Variants in FANK1 observed in about 807,000 individuals in gnomAD.
FANK1 encodes fibronectin type III and ankyrin repeat domains 1, also known as fibronectin type 3 and ankyrin repeat domains protein 1.
FANK1 carries 44 observed loss-of-function variants against 45.3 expected under a neutral mutation model. The observed-to-expected ratio is 0.97, with a 90% CI of 0.76 to 1.25. FANK1 has a LOEUF of 1.25. Among genes scored for constraint, FANK1 ranks in the 50% most tolerant of loss-of-function variants. FANK1 has a pLI of 0.00. For synonymous variants in FANK1, 149 were observed against 152.5 expected, an observed-to-expected ratio of 0.98 and a Z score of 0.17; for missense variants, 391 against 424.4, an observed-to-expected ratio of 0.92 and a Z score of 0.69.
intron 1 of FANK1, among the ~76,000 whole-genome samples, chr10:125,903,002 C>A (rs1945172804): frequency 6.6e-6 from 1 of 152,176 alleles, no homozygotes; most frequent in South Asian, 2.1e-4. Context: ...TTTTAAAATC[C>A]CCATCAAAAT....
intron 1 of FANK1, among the ~76,000 whole-genome samples, chr10:125,954,293 A>T (rs1475302905): frequency 2.0e-5 from 3 of 152,196 alleles, no homozygotes; most frequent in Non-Finnish European, 4.4e-5. Context: ...GGCATAAAGG[A>T]TAAGGAAGTT....
At chr10:125,991,250 G>GGGGTGTGTGT (rs138607074) in intron 3 of FANK1, among the ~76,000 whole-genome samples, 1 of 145,908 alleles carries the variant, frequency 6.9e-6, no homozygotes, top group African/African-American at 2.5e-5. Context: ...GGTGACCAGG[G>GGGGTGTGTGT]GTGTGTGTGT....
chr10:125,916,147 C>T (rs1946430194), intron 1 of FANK1, among the ~76,000 whole-genome samples: 1 of 152,074 alleles, frequency 6.6e-6, no homozygotes, highest in African/African-American at 2.4e-5. Context: ...AAGTGATTCT[C>T]CTGCCTCAGC....
At chr10:125,994,863 G>A in intron 3 of FANK1, 2 of 985,374 alleles carry the variant, frequency 2.0e-6, no homozygotes, top group Non-Finnish European at 2.4e-6. Context: ...TGGTTGGCAA[G>A]CTCTCTCCCC....
chr10:125,924,932 A>G (rs1277735616), intron 1 of FANK1, among the ~76,000 whole-genome samples: 1 of 141,858 alleles, frequency 7.0e-6, no homozygotes, highest in Non-Finnish European at 1.5e-5. Context: ...GCTATGGGCT[A>G]TTTAAAAGTA....
At chr10:125,940,339 A>G (rs915047796) in intron 1 of FANK1, among the ~76,000 whole-genome samples, 1 of 152,148 alleles carries the variant, frequency 6.6e-6, no homozygotes, top group Non-Finnish European at 1.5e-5. Flanking sequence ...GCAAGAAAAC[A>G]TGTGACCAAA....
chr10:125,913,887 T>A (rs955484691), intron 1 of FANK1, among the ~76,000 whole-genome samples: 1 of 152,178 alleles, frequency 6.6e-6, no homozygotes. Flanking sequence ...ACACTTGATA[T>A]TGACTATGAA....
Position 125,967,891 on chromosome 10 carries a change from TAGG to T in FANK1, c.14-12267_14-12265del, listed in dbSNP as rs550036726. ...TGTTTCTAGAAGTGAGACCACAAAG[TAGG>T]AGATCTTACAACCATTTTTGAATAC... is the stretch of plus-strand genomic sequence containing the variant. On this transcript the variant is annotated intron_variant, in intron 1 of 10. Coordinates refer to ENST00000368693, the MANE Select transcript of FANK1 (RefSeq NM_145235.5). Among the ~76,000 whole-genome samples, 286 of 152,352 alleles carry T rather than the reference TAGG, an allele frequency of 1.9e-3. 1 individual carries two copies. Among genetic ancestry groups the T allele is most frequent in the Non-Finnish European group, 3.1e-3 (212 of 68,034 alleles).
chr10:126,001,957 T>A (rs915965526), intron 6 of FANK1, among the ~76,000 whole-genome samples: 1 of 152,110 alleles, frequency 6.6e-6, no homozygotes, highest in Non-Finnish European at 1.5e-5. Flanking sequence ...GACTCTGATA[T>A]GGGATTTTTT....
chr10:125,993,425 T>A (rs747251660), intron 3 of FANK1, among the ~76,000 whole-genome samples: 1 of 152,206 alleles, frequency 6.6e-6, no homozygotes, highest in African/African-American at 2.4e-5. Context: ...TAAGTCCTTA[T>A]TAATCTAGCC....
chr10:125,910,386 TAAA>T (rs1945894414), intron 1 of FANK1, among the ~76,000 whole-genome samples: 1 of 152,198 alleles, frequency 6.6e-6, no homozygotes. Flanking sequence ...GTTTCAAAGA[TAAA>T]AAATTATGAA....
intron 1 of FANK1, among the ~76,000 whole-genome samples, chr10:125,925,211 G>A (rs1947261474): frequency 6.6e-6 from 1 of 152,234 alleles, no homozygotes; most frequent in Non-Finnish European, 1.5e-5. Flanking sequence ...GCATGGATTT[G>A]TCTGTCTCCT....
intron 1 of FANK1, among the ~76,000 whole-genome samples, chr10:125,945,461 TC>T (rs1948722204): frequency 6.6e-6 from 1 of 152,160 alleles, no homozygotes; most frequent in African/African-American, 2.4e-5. Flanking sequence ...GTCAGGGAGT[TC>T]CCTTTCCGAG....
intron 1 of FANK1, among the ~76,000 whole-genome samples, chr10:125,970,767 C>T (rs936972713): frequency 2.0e-5 from 3 of 152,316 alleles, no homozygotes; most frequent in Non-Finnish European, 4.4e-5. Flanking sequence ...CGCGGCAGTA[C>T]AGTCCAGCCT....
intron 1 of FANK1, among the ~76,000 whole-genome samples, chr10:125,899,446 A>G (rs1944858792): frequency 6.6e-6 from 1 of 152,304 alleles, no homozygotes; most frequent in Non-Finnish European, 1.5e-5. Context: ...CCTGGCCTCA[A>G]GTGATCCTCC....
At chr10:126,007,114 G>A (rs1953276089) in intron 7 of FANK1, 1 of 152,200 alleles carries the variant, frequency 6.6e-6, no homozygotes, top group Non-Finnish European at 1.5e-5. Context: ...ATTCTGGCAG[G>A]TGGCTCACCT....
chr10:125,940,700 C>T (rs533893400), intron 1 of FANK1, among the ~76,000 whole-genome samples: 42 of 152,098 alleles, frequency 2.8e-4, no homozygotes, highest in African/African-American at 8.4e-4. Flanking sequence ...TCCCTTCGCA[C>T]GAGGCCATAT....
intron 1 of FANK1, among the ~76,000 whole-genome samples, chr10:125,947,660 T>C (rs1256543890): frequency 6.6e-6 from 1 of 150,568 alleles, no homozygotes; most frequent in Non-Finnish European, 1.5e-5. Flanking sequence ...CACACATTAA[T>C]AATGGGAGAC....
chr10:125,904,975 A>C (rs113281869), intron 1 of FANK1, among the ~76,000 whole-genome samples: 34 of 146,858 alleles, frequency 2.3e-4, no homozygotes, highest in East Asian at 6.0e-4. Flanking sequence ...AATACAACAA[A>C]AAAAAATTAG....
Sources: allele counts gnomAD v4.1 joint callset (sites outside exome capture counted in the v4.1 genomes callset), GRCh38; gene constraint gnomAD v4.1.1; transcripts MANE v1.5; gene names NCBI Gene and HGNC (gene_info 2026-07-23, HGNC 2026-07-21).